Variants in SCAF1 observed in about 807,000 individuals in gnomAD.
The protein encoded by SCAF1 is SR-related CTD associated factor 1.
SCAF1 carries 28 observed loss-of-function variants against 91.2 expected under a neutral mutation model. That is an observed-to-expected ratio of 0.31 (90% CI 0.23 to 0.42). The LOEUF is 0.42. Ranked by LOEUF, SCAF1 falls within the 10% of genes least tolerant of loss-of-function variation. SCAF1 has a pLI of 1.00. For synonymous variants in SCAF1, 1,036 were observed against 833.7 expected, an observed-to-expected ratio of 1.24 and a Z score of -4.18; for missense variants, 1,893 against 1,872.1, an observed-to-expected ratio of 1.01 and a Z score of -0.21.
Position 49,645,195 on chromosome 19 carries a change from G to T in SCAF1, c.108+61G>T, listed in dbSNP as rs2081047733. The T allele has an allele frequency of 3.9e-6, 6 of 1,541,506 alleles. No individual in the cohort carries two copies. The highest frequency in any genetic ancestry group is 5.4e-6 in the Non-Finnish European group (6 of 1,116,732). On this transcript the variant is annotated intron_variant, in intron 2 of 10. Coordinates refer to ENST00000360565, the MANE Select transcript of SCAF1 (RefSeq NM_021228.3). The surrounding 1 kb of genome is among the most constrained non-coding windows in gnomAD (Gnocchi z 4.6). The stretch of plus-strand genomic sequence containing the variant: ...GGAGCTGGGCATCCACACTCCAGGG[G>T]CCTGACTCCAGGGCCTGAGGCAGGG...
intron 6 of SCAF1, among the ~76,000 whole-genome samples, chr19:49,649,036 C>T (rs1243769006): frequency 6.6e-6 from 1 of 151,914 alleles, no homozygotes; most frequent in Non-Finnish European, 1.5e-5. Flanking sequence ...GGCAACGTTC[C>T]TCTAAAACTT....
Position 49,646,846 on chromosome 19 carries a change from G to A in SCAF1, c.478+16G>A, listed in dbSNP as rs1273967271. 2 of 1,591,488 alleles carry A rather than the reference G, an allele frequency of 1.3e-6. No individual in the cohort carries two copies. The highest frequency in any genetic ancestry group is 1.7e-6 in the Non-Finnish European group (2 of 1,166,688). On this transcript the variant is annotated intron_variant, in intron 6 of 10. Transcript: ENST00000360565. This position sits in a 1 kb window ranked among gnomAD's most constrained non-coding sequence, Gnocchi z 5.6. ...GGCAAAACGGGTATGTGGGGCCAGGGCGGAGCTGGGCAGGTGGTCGTGGAG... is the reference window on the plus strand; with the variant it reads ...GGCAAAACGGGTATGTGGGGCCAGGACGGAGCTGGGCAGGTGGTCGTGGAG...
chr19:49,653,345 C>A lies in SCAF1; in HGVS notation c.2956C>A (p.Pro986Thr). 1 of 1,481,276 alleles carries A rather than the reference C, an allele frequency of 6.8e-7. No homozygotes were observed. Among genetic ancestry groups the A allele is most frequent in the Non-Finnish European group, 9.0e-7 (1 of 1,114,096 alleles). The allele number at this position is 1,481,276 out of a possible 1,614,324, so 91.8% of individuals were successfully genotyped here. ...TPPPKAAPPP[P>T]ALTPDSQTVD... The stretch of plus-strand genomic sequence containing the variant: ...GCCCCCCAAGGCAGCCCCACCACCC[C>A]CTGCCCTCACTCCGGACTCGCAGAC... Residue 986 changes from proline (P) to threonine (T), a missense_variant, in exon 7 of 11, where the codon CCT becomes ACT. By Grantham distance (38) the Pro-to-Thr change is conservative. Transcript: ENST00000360565.
chr19:49,648,569 C>T (rs887048797), intron 6 of SCAF1, among the ~76,000 whole-genome samples: 1 of 150,736 alleles, frequency 6.6e-6, no homozygotes, highest in Non-Finnish European at 1.5e-5. Context: ...CACCCCCCCC[C>T]CTTTTTTTTT....
chr19:49,646,231 G>C lies in SCAF1; in HGVS notation c.261+29G>C, dbSNP rs780776353. On this transcript the variant is annotated intron_variant, in intron 4 of 10. Coordinates refer to ENST00000360565, the MANE Select transcript of SCAF1 (RefSeq NM_021228.3). The surrounding 1 kb of genome is among the most constrained non-coding windows in gnomAD (Gnocchi z 5.6). ...AGTAAGAAGAGGGGGCTGGGGGCCT[G>C]GCTCACGGGTATCAGGGAGGAAGGG... is the stretch of plus-strand genomic sequence containing the variant. The C allele has an allele frequency of 8.3e-6, 13 of 1,571,846 alleles. No individual in the cohort carries two copies. The highest frequency in any genetic ancestry group is 1.1e-5 in the Non-Finnish European group (13 of 1,155,900).
chr19:49,643,789 A>G (rs1407487216), intron 1 of SCAF1, among the ~76,000 whole-genome samples: 2 of 152,152 alleles, frequency 1.3e-5, no homozygotes, highest in African/African-American at 4.8e-5. Flanking sequence ...TATTGGTGAA[A>G]GAGGCTGGGA....
At chr19:49,655,143 G>A (rs1196654088) in intron 9 of SCAF1, among the ~76,000 whole-genome samples, 1 of 152,164 alleles carries the variant, frequency 6.6e-6, no homozygotes, top group South Asian at 2.1e-4. Context: ...GATGCCCCGC[G>A]CTGCAGCCCA....
chr19:49,641,596 C>T (rs1245144505), upstream of SCAF1, among the ~76,000 whole-genome samples: 1 of 152,176 alleles, frequency 6.6e-6, no homozygotes, highest in African/African-American at 2.4e-5. Context: ...GGATTACAGA[C>T]GTGAGCCACC....
chr19:49,643,576 T>G (rs2081038882), intron 1 of SCAF1, among the ~76,000 whole-genome samples: 1 of 152,212 alleles, frequency 6.6e-6, no homozygotes, highest in South Asian at 2.1e-4. Flanking sequence ...GCTGAGGGTG[T>G]GTCTGCGAAG....
chr19:49,653,757 G>T, intron 7 of SCAF1, 52 bp downstream of exon 7: 1 of 1,446,968 alleles, frequency 6.9e-7, no homozygotes, highest in Non-Finnish European at 9.1e-7. Flanking sequence ...ACAGGATGGG[G>T]ACTGGAGGGT....
At position 49,646,718 on chromosome 19, in the gene SCAF1, T is replaced by C. The variant is rs2081057634; in HGVS notation, c.366T>C (p.Ser122=). The change falls in exon 6 of 11, where the codon AGT becomes AGC. Residue 122 remains serine (S), a synonymous_variant. Coordinates refer to ENST00000360565, the MANE Select transcript of SCAF1 (RefSeq NM_021228.3). The surrounding 1 kb of genome is among the most constrained non-coding windows in gnomAD (Gnocchi z 5.6). The part of the protein sequence containing the change: ...PSRLDLRPGE[S]EDMLELVAEV... ...ACCCACCCCTTCCGCCTTGCAGAAG[T>C]GAGGACATGCTGGAGCTGGTGGCTG... 6.2e-7 allele frequency: 1 copy of C among 1,613,846 alleles called. No individual in the cohort carries two copies. Among genetic ancestry groups the C allele is most frequent in the Non-Finnish European group, 8.5e-7 (1 of 1,179,918 alleles).
In SCAF1 at chr19:49,651,892, G is replaced by GGCGCCC. The variant is rs1178521111; in HGVS notation, c.1512_1517dup (p.Pro507_Ala508dup). 1.4e-5 allele frequency: 17 copies of GGCGCCC among 1,180,680 alleles called. No individual in the cohort carries two copies. The highest frequency in any genetic ancestry group is 1.8e-5 in the Non-Finnish European group (17 of 952,026). 73.1% of individuals were successfully genotyped at this position (1,180,680 alleles called of 1,614,324 possible). ...GCTACCGCCAGCGCTCGCCCTCCCC[G>GGCGCCC]GCGCCCGCGCCCGCCCCGGCCGCCG... On this transcript the variant is annotated inframe_insertion, in exon 7 of 11. Transcript: ENST00000360565.
chr19:49,654,674 C>G lies in SCAF1; in HGVS notation c.3422C>G (p.Pro1141Arg), dbSNP rs1294405922. The change falls in exon 9 of 11, where the codon CCC becomes CGC. Residue 1141 changes from proline to arginine, a missense_variant. Physicochemically the swap from Pro to Arg is moderately radical, Grantham distance 103 (BLOSUM62 -2). Coordinates refer to ENST00000360565, the MANE Select transcript of SCAF1 (RefSeq NM_021228.3). ...TNQILSHRKPPSSLGMTPAPV... is the reference protein window; with the variant it reads ...TNQILSHRKPRSSLGMTPAPV... Reference sequence around the variant, plus strand: ...CAGATCCTCAGCCACAGAAAGCCACCCTCAAGTCTGGGGATGACCCCAGCT... The same window carrying G: ...CAGATCCTCAGCCACAGAAAGCCACGCTCAAGTCTGGGGATGACCCCAGCT... 1 of 1,613,326 alleles carries G rather than the reference C, an allele frequency of 6.2e-7. No individual in the cohort carries two copies. The highest frequency in any genetic ancestry group is 1.7e-5 in the Admixed American group (1 of 59,938).
chr19:49,644,534 G>T (rs1411829528), intron 1 of SCAF1, among the ~76,000 whole-genome samples: 1 of 152,218 alleles, frequency 6.6e-6, no homozygotes, highest in Admixed American at 6.5e-5. Flanking sequence ...CTAGGAAGCC[G>T]TGTGGTGTTT....
intron 9 of SCAF1, among the ~76,000 whole-genome samples, chr19:49,656,368 G>A (rs934159211): frequency 2.6e-5 from 4 of 152,184 alleles, no homozygotes; most frequent in East Asian, 1.9e-4. Context: ...TCAGTAGCTC[G>A]TCAGACAGTG....
chr19:49,652,953 C>T lies in SCAF1; in HGVS notation c.2564C>T (p.Ala855Val), dbSNP rs143228083. Residue 855 changes from alanine (A) to valine (V), a missense_variant, in exon 7 of 11, where the codon GCG (alanine) becomes GTG (valine). Coordinates refer to ENST00000360565, the MANE Select transcript of SCAF1 (RefSeq NM_021228.3). ...AGCACCACCCCGGCCAAGGATGCCG[C>T]GTCAGCCGGCCTGGGCTCCATTGGC... is the stretch of plus-strand genomic sequence containing the variant. Reference protein sequence around the residue: ...VSSTTPAKDAASAGLGSIGVK... With the variant: ...VSSTTPAKDAVSAGLGSIGVK... The T allele has an allele frequency of 1.2e-5, 20 of 1,613,738 alleles. No individual in the cohort carries two copies. Among genetic ancestry groups the T allele is most frequent in the Admixed American group, 1.0e-4 (6 of 59,988 alleles).
chr19:49,644,354 C>A (rs1191109876), intron 1 of SCAF1, among the ~76,000 whole-genome samples: 1 of 152,142 alleles, frequency 6.6e-6, no homozygotes, highest in Non-Finnish European at 1.5e-5. Flanking sequence ...GTGCAGATGG[C>A]GATAGGTAAA....
chr19:49,649,649 C>T (rs2081074522), intron 6 of SCAF1, among the ~76,000 whole-genome samples: 1 of 152,136 alleles, frequency 6.6e-6, no homozygotes, highest in Admixed American at 6.5e-5. Flanking sequence ...GCATGTGCCA[C>T]CACACCCGGC....
rs777858585 is a variant in SCAF1, at chr19:49,654,393, C to T, written c.3361C>T (p.Arg1121Ter). The change falls in exon 8 of 11, where the codon CGA (arginine) becomes TGA (stop). Residue 1121 changes from arginine (R) to a stop codon, truncating the protein, a stop_gained. Coordinates refer to ENST00000360565, the MANE Select transcript of SCAF1 (RefSeq NM_021228.3). LOFTEE classifies it high-confidence loss of function. Reference sequence around the variant, plus strand: ...GATGGAAGAAGCCAACCTGGCGAGCCGAGCGAAGGCCCAGGAGCTGATCCA... The same window carrying T: ...GATGGAAGAAGCCAACCTGGCGAGCTGAGCGAAGGCCCAGGAGCTGATCCA... ...FKMEEANLASRAKAQELIQAT... is the reference protein window; with the variant it reads ...FKMEEANLAS 6.2e-7 allele frequency: 1 copy of T among 1,613,502 alleles called. No homozygotes were observed.
Sources: gnomAD v4.1 joint callset for allele counts (sites outside exome capture counted in the v4.1 genomes callset) on GRCh38, gnomAD v4.1.1 for gene constraint, Gnocchi (gnomAD v3.1) non-coding constraint, MANE v1.5 for transcripts, NCBI Gene and HGNC (gene_info 2026-07-23, HGNC 2026-07-21) for gene names.